SYT9: variants seen among roughly 807,000 people sequenced by gnomAD.
The protein encoded by SYT9 is synaptotagmin 9, also known as synaptotagmin-9.
SYT9 carries 22 observed loss-of-function variants against 48.4 expected under a neutral mutation model. The ratio of observed to expected loss-of-function variants is 0.45; its 90% confidence interval spans 0.32 to 0.65. SYT9 has a LOEUF of 0.65. Ranked by LOEUF, SYT9 falls within the 30% of genes least tolerant of loss-of-function variation. The probability of loss-of-function intolerance (pLI) is 0.03; values close to 1 mark genes in which losing one functional copy is unlikely to be tolerated. For missense variants in SYT9, 577 were observed against 622.0 expected (o/e 0.93, Z 0.77); for synonymous variants, 265 against 245.0 (o/e 1.08, Z -0.76).
chr11:7,367,098 T>TTTTTTTCC (rs71056800), intron 3 of SYT9, among the ~76,000 whole-genome samples: 6 of 112,988 alleles, frequency 5.3e-5, no homozygotes, highest in African/African-American at 1.6e-4. Context: ...TTTTTTTTTT[T>TTTTTTTCC]CGAGACGGAG....
chr11:7,372,679 A>G (rs1314561722), intron 3 of SYT9, among the ~76,000 whole-genome samples: 4 of 151,878 alleles, frequency 2.6e-5, no homozygotes, highest in African/African-American at 4.8e-5. Flanking sequence ...CTTTATTTTT[A>G]TATACTTATT....
At chr11:7,246,018 G>C (rs528116015) in intron 1 of SYT9, among the ~76,000 whole-genome samples, 31 of 152,126 alleles carry the variant, frequency 2.0e-4, no homozygotes, top group African/African-American at 7.5e-4. Flanking sequence ...TTCTGAAGTC[G>C]CTCCTATCTT....
intron 1 of SYT9, among the ~76,000 whole-genome samples, chr11:7,269,057 G>A (rs557059897): frequency 1.4e-4 from 21 of 152,148 alleles, no homozygotes; most frequent in African/African-American, 4.8e-4. Context: ...CGTGTCATTA[G>A]TTCTTTCCTT....
intron 6 of SYT9, chr11:7,427,147 C>A (rs547431903): frequency 6.6e-6 from 1 of 152,236 alleles, no homozygotes; most frequent in Non-Finnish European, 1.5e-5. Flanking sequence ...GAGTTCCCTT[C>A]GTTCTAAAGT....
chr11:7,315,356 G>A (rs962526105), intron 3 of SYT9, among the ~76,000 whole-genome samples: 77 of 152,174 alleles, frequency 5.1e-4, no homozygotes, highest in East Asian at 3.9e-4. Flanking sequence ...AAAATGGGAA[G>A]GCTGCTTATA....
At chr11:7,426,957 C>T (rs1847470458) in intron 6 of SYT9, among the ~76,000 whole-genome samples, 1 of 152,148 alleles carries the variant, frequency 6.6e-6, no homozygotes, top group South Asian at 2.1e-4. Context: ...AGGAGACTAG[C>T]TGATCATTTA....
At chr11:7,449,838 T>C (rs1399532797) in intron 6 of SYT9, among the ~76,000 whole-genome samples, 2 of 152,064 alleles carry the variant, frequency 1.3e-5, no homozygotes, top group Non-Finnish European at 2.9e-5. Flanking sequence ...TATTCGTCCA[T>C]TCCCCAGTGT....
intron 1 of SYT9, among the ~76,000 whole-genome samples, chr11:7,257,008 A>G (rs1488516882): frequency 6.6e-6 from 1 of 152,214 alleles, no homozygotes; most frequent in Non-Finnish European, 1.5e-5. Context: ...AACAACAGCA[A>G]CAACAAAAAC....
At chr11:7,423,083 A>G (rs1847384662) in intron 6 of SYT9, among the ~76,000 whole-genome samples, 1 of 152,230 alleles carries the variant, frequency 6.6e-6, no homozygotes, top group African/African-American at 2.4e-5. Flanking sequence ...TTACAGCAGA[A>G]CTAAGGAAAT....
chr11:7,297,100 GAC>G lies in SYT9; in HGVS notation c.146-5937_146-5936del, dbSNP rs71056794. On this transcript the variant is annotated intron_variant, in intron 1 of 6. Coordinates refer to ENST00000318881, the MANE Select transcript of SYT9 (RefSeq NM_175733.4). ...TGTGTGTGTGTGAGAGAGAGAGAGA[GAC>G]AGAGAGAGAGAGAGAGAGAGAGAGA... Among the ~76,000 whole-genome samples the G allele has an allele frequency of 4.5e-3, 680 of 149,574 alleles. 4 individuals are homozygous for G. Among genetic ancestry groups the G allele is most frequent in the South Asian group, 9.6e-3 (44 of 4,606 alleles).
chr11:7,272,509 G>A (rs1052228417), intron 1 of SYT9, among the ~76,000 whole-genome samples: 1 of 151,096 alleles, frequency 6.6e-6, no homozygotes, highest in African/African-American at 2.4e-5. Flanking sequence ...CATACCTTAA[G>A]TGACAATGTA....
chr11:7,282,834 T>G (rs1209809171), intron 1 of SYT9, among the ~76,000 whole-genome samples: 1 of 152,046 alleles, frequency 6.6e-6, no homozygotes, highest in East Asian at 1.9e-4. Flanking sequence ...CATGTTTTCT[T>G]TAAATTACAT....
chr11:7,407,360 ATTTTTTTTTTT>A (rs756378336), intron 3 of SYT9, among the ~76,000 whole-genome samples: 1 of 37,770 alleles, frequency 2.6e-5, no homozygotes. Flanking sequence ...TAAGTCTATA[ATTTTTTTTTTT>A]TTTTTTTTTT....
At chr11:7,277,156 T>A (rs1848412666) in intron 1 of SYT9, among the ~76,000 whole-genome samples, 1 of 152,240 alleles carries the variant, frequency 6.6e-6, no homozygotes, top group Non-Finnish European at 1.5e-5. Flanking sequence ...GGACTGTGTA[T>A]TATTTATCTT....
upstream of SYT9, among the ~76,000 whole-genome samples, chr11:7,247,570 C>CATGTATAT (rs1847806819): frequency 1.5e-5 from 2 of 134,530 alleles, no homozygotes; most frequent in Admixed American, 1.6e-4. Context: ...CACATATATA[C>CATGTATAT]ACATATACAT....
intron 3 of SYT9, among the ~76,000 whole-genome samples, chr11:7,414,693 A>G (rs531952048): frequency 6.6e-6 from 1 of 152,176 alleles, no homozygotes; most frequent in African/African-American, 2.4e-5. Flanking sequence ...GCAATGCATG[A>G]TGCAAGAAGA....
At chr11:7,348,438 T>G (rs750816072) in intron 3 of SYT9, among the ~76,000 whole-genome samples, 1 of 152,210 alleles carries the variant, frequency 6.6e-6, no homozygotes, top group Non-Finnish European at 1.5e-5. Context: ...AGTGCTTTCT[T>G]AACACACTGG....
intron 6 of SYT9, among the ~76,000 whole-genome samples, chr11:7,465,162 C>A (rs190286957): frequency 2.6e-5 from 4 of 152,230 alleles, no homozygotes; most frequent in Non-Finnish European, 5.9e-5. Context: ...ATTTGAACCA[C>A]AATATTAAGA....
chr11:7,333,946 A>T (rs1849588802), intron 3 of SYT9, among the ~76,000 whole-genome samples: 1 of 152,222 alleles, frequency 6.6e-6, no homozygotes, highest in Non-Finnish European at 1.5e-5. Flanking sequence ...AATTACTCAC[A>T]TGTGTTATTG....
Sources: allele counts gnomAD v4.1 joint callset (sites outside exome capture counted in the v4.1 genomes callset), GRCh38; gene constraint gnomAD v4.1.1; transcripts MANE v1.5; gene names NCBI Gene and HGNC (gene_info 2026-07-23, HGNC 2026-07-21).